Variants in UGT1A10 observed in about 807,000 individuals in gnomAD.
UGT1A10 encodes the protein UDP glucuronosyltransferase family 1 member A10, also known as UDP-glucuronosyltransferase 1A10.
Under a neutral mutation model 45.8 loss-of-function variants are expected in UGT1A10, and 49 were observed. The ratio of observed to expected loss-of-function variants is 1.07; its 90% CI spans 0.85 to 1.36. The LOEUF (loss-of-function observed/expected upper bound fraction) is 1.36. UGT1A10 is among the 40% of genes most tolerant of loss of function. UGT1A10 has a pLI of 0.00. For missense variants in UGT1A10, 745 were observed against 668.6 expected, an observed-to-expected ratio of 1.11 and a Z score of -1.26; for synonymous variants, 284 against 249.7, an observed-to-expected ratio of 1.14 and a Z score of -1.29.
chr2:233,704,405 A>G (rs761303272), intron 1 of UGT1A10, among the ~76,000 whole-genome samples: 1 of 152,010 alleles, frequency 6.6e-6, no homozygotes, highest in Non-Finnish European at 1.5e-5. Context: ...TATCTACTTC[A>G]GATTTATACC....
At chr2:233,748,952 T>TC (rs753200268) in intron 1 of UGT1A10, among the ~76,000 whole-genome samples, 4 of 151,666 alleles carry the variant, frequency 2.6e-5, no homozygotes, top group South Asian at 2.1e-4. Flanking sequence ...CCTATCCCAC[T>TC]CCAAGTTTCT....
chr2:233,736,804 G>A (rs1221083478), intron 1 of UGT1A10, among the ~76,000 whole-genome samples: 2 of 152,210 alleles, frequency 1.3e-5, no homozygotes, highest in African/African-American at 4.8e-5. Context: ...GGAGTTTGCT[G>A]GAGGTCCACT....
intron 1 of UGT1A10, among the ~76,000 whole-genome samples, chr2:233,637,891 A>C (rs988490698): frequency 6.6e-6 from 1 of 152,190 alleles, no homozygotes; most frequent in Admixed American, 6.5e-5. Context: ...CAATACAGAC[A>C]GATTTGACAA....
chr2:233,681,494 G>A (rs2074525000), intron 1 of UGT1A10, among the ~76,000 whole-genome samples: 1 of 130,992 alleles, frequency 7.6e-6, no homozygotes, highest in African/African-American at 3.0e-5. Context: ...TCTTACCACT[G>A]CACTCCAGCC....
At chr2:233,686,987 G>T (rs1322875815) in intron 1 of UGT1A10, among the ~76,000 whole-genome samples, 1 of 152,182 alleles carries the variant, frequency 6.6e-6, no homozygotes, top group Non-Finnish European at 1.5e-5. Context: ...TGTACCCCAA[G>T]TCTTGGTTTC....
chr2:233,743,665 C>T lies in UGT1A10; in HGVS notation c.856-23369C>T, dbSNP rs1373066127. Reference sequence around the variant, plus strand: ...AGCTGAAGACGTACTCGAAGGGGTCCTCGAAGGGCCTGCCGCCTGTGCAGC... The same window carrying T: ...AGCTGAAGACGTACTCGAAGGGGTCTTCGAAGGGCCTGCCGCCTGTGCAGC... On this transcript the variant is annotated intron_variant, in intron 1 of 4. Coordinates refer to ENST00000344644, the MANE Select transcript of UGT1A10 (RefSeq NM_019075.4). 9 of 1,367,242 alleles carry T rather than the reference C, an allele frequency of 6.6e-6. 2 individuals are homozygous for T. The African/African-American group carries it at 1.3e-4, about 20-fold the overall frequency. The allele number at this position is 1,367,242 out of a possible 1,614,324, so 84.7% of individuals were successfully genotyped here. A position where few individuals can be genotyped will look rare whatever the true frequency, so the allele number is the denominator to read the frequency against.
intron 1 of UGT1A10, chr2:233,729,951 C>A (rs1214180861): frequency 6.2e-7 from 1 of 1,613,942 alleles, no homozygotes; most frequent in East Asian, 2.2e-5. Context: ...ACATGGTCTT[C>A]ATTGGGGGCA....
intron 1 of UGT1A10, among the ~76,000 whole-genome samples, chr2:233,758,868 C>T (rs1697003822): frequency 1.3e-5 from 2 of 152,158 alleles, no homozygotes; most frequent in South Asian, 4.1e-4. Context: ...ACAATACTTG[C>T]CCCATAGTCC....
intron 1 of UGT1A10, among the ~76,000 whole-genome samples, chr2:233,647,050 C>A (rs2073624094): frequency 6.6e-6 from 1 of 152,186 alleles, no homozygotes; most frequent in South Asian, 2.1e-4. Context: ...AAAGTCACAT[C>A]CTCCATGGAT....
intron 1 of UGT1A10, chr2:233,648,949 G>A (rs561698132): frequency 7.0e-7 from 1 of 1,436,864 alleles, no homozygotes; most frequent in South Asian, 1.1e-5. Flanking sequence ...CTTTGTTTTG[G>A]AGTATCCCAA....
chr2:233,722,513 C>T (rs940650282), intron 1 of UGT1A10, among the ~76,000 whole-genome samples: 2 of 152,128 alleles, frequency 1.3e-5, no homozygotes, highest in Non-Finnish European at 2.9e-5. Flanking sequence ...TTAATTGCAG[C>T]TTATTTTTGC....
At chr2:233,748,181 CT>C in intron 1 of UGT1A10, 1 of 1,573,702 alleles carries the variant, frequency 6.4e-7, no homozygotes, top group Non-Finnish European at 8.6e-7. Context: ...CTTTCTGGTG[CT>C]TTTATTTCTG....
chr2:233,727,755 T>C (rs79983684), intron 1 of UGT1A10, among the ~76,000 whole-genome samples: 5,633 of 152,308 alleles, frequency 0.037, 134 homozygotes, highest in Non-Finnish European at 0.057. Context: ...TGTGCTGCCC[T>C]TGAGCTGGGT....
chr2:233,767,704 T>A, intron 2 of UGT1A10, 145 bp from the exon 3 acceptor site: 1 of 1,518,956 alleles, frequency 6.6e-7, no homozygotes, highest in East Asian at 2.4e-5. Context: ...TTGCCAGTCC[T>A]CAGAAGCCTT....
chr2:233,658,497 G>A (rs192224582), intron 1 of UGT1A10, among the ~76,000 whole-genome samples: 2 of 151,914 alleles, frequency 1.3e-5, no homozygotes, highest in African/African-American at 2.4e-5. Context: ...AGCCCATCAC[G>A]CCCCCTTCAT....
Position 233,636,539 on chromosome 2 carries a change from G to A in UGT1A10, c.17G>A (p.Trp6Ter). 1.5e-5 allele frequency: 24 copies of A among 1,613,818 alleles called. No individual in the cohort carries two copies. The highest frequency in any genetic ancestry group is 1.9e-5 in the Non-Finnish European group (22 of 1,179,860). ...AGTTCTCTCATGGCTCGCGCAGGGT[G>A]GACCAGCCCCGTTCCTTTATGTGTG... MARAG[W>*]TSPVPLCVCL... is the part of the protein sequence containing the mutation. The change falls in exon 1 of 5, where the codon TGG (tryptophan) becomes TAG (stop). Residue 6 changes from tryptophan to a stop codon, truncating the protein, a stop_gained. Coordinates refer to ENST00000344644, the MANE Select transcript of UGT1A10 (RefSeq NM_019075.4). LOFTEE classifies it high-confidence loss of function.
intron 1 of UGT1A10, among the ~76,000 whole-genome samples, chr2:233,695,025 T>A (rs371221092): frequency 5.5e-4 from 84 of 152,350 alleles, no homozygotes; most frequent in African/African-American, 2.0e-3. Context: ...TGAACTGCAG[T>A]ATACATTCTT....
In UGT1A10 at chr2:233,683,386, T is replaced by C. The variant is rs1016701211; in HGVS notation, c.855+46009T>C. Among the ~76,000 whole-genome samples, 8 of 152,198 alleles carry C rather than the reference T, an allele frequency of 5.3e-5. No individual in the cohort carries two copies. The South Asian group carries it at 8.3e-4, about 16-fold the overall frequency. Reference sequence around the variant, plus strand: ...AATGTAGTTTTCCAACCAATTAAGATTGATAGAGATTTAAGTGTTTTCCAC... The same window carrying C: ...AATGTAGTTTTCCAACCAATTAAGACTGATAGAGATTTAAGTGTTTTCCAC... On this transcript the variant is annotated intron_variant, in intron 1 of 4. Coordinates refer to ENST00000344644, the MANE Select transcript of UGT1A10 (RefSeq NM_019075.4).
chr2:233,691,801 C>G (rs958014119), intron 1 of UGT1A10: 21 of 217,940 alleles, frequency 9.6e-5, no homozygotes, highest in Admixed American at 2.6e-4. Context: ...TTATACTTCT[C>G]AAATCTTAAT....
Sources: allele counts gnomAD v4.1 joint callset (sites outside exome capture counted in the v4.1 genomes callset), GRCh38; gene constraint gnomAD v4.1.1; transcripts MANE v1.5; gene names NCBI Gene and HGNC (gene_info 2026-07-23, HGNC 2026-07-21).